The following EML6 variants were observed in gnomAD, a reference collection of about 807,000 sequenced individuals.
EML6 encodes the protein EMAP like 6, also known as echinoderm microtubule-associated protein-like 6.
Under a neutral mutation model 240.1 loss-of-function variants are expected in EML6, and 154 were observed. The observed-to-expected ratio is 0.64, with a 90% CI of 0.56 to 0.73. The LOEUF (loss-of-function observed/expected upper bound fraction) is 0.73. EML6 is among the 30% of genes least tolerant of loss of function. The pLI, the probability that EML6 is intolerant of heterozygous loss-of-function variation, is 0.00. For missense variants in EML6, 2,964 were observed against 2,474.6 expected (o/e 1.20, Z -4.20); for synonymous variants, 1,148 against 899.0 (o/e 1.28, Z -4.95).
intron 12 of EML6, among the ~76,000 whole-genome samples, chr2:54,860,716 A>G (rs1398007675): frequency 6.6e-6 from 1 of 152,246 alleles, no homozygotes; most frequent in Non-Finnish European, 1.5e-5. Context: ...TCTAGACCAT[A>G]GAGAAAGGTG....
intron 2 of EML6, among the ~76,000 whole-genome samples, chr2:54,755,638 A>T (rs1054498640): frequency 1.3e-5 from 2 of 151,898 alleles, no homozygotes; most frequent in South Asian, 2.1e-4. Context: ...TTTTCTAATT[A>T]TTTTTGCTAG....
At chr2:54,961,288 G>A (rs895893192) in intron 35 of EML6, among the ~76,000 whole-genome samples, 3 of 148,740 alleles carry the variant, frequency 2.0e-5, no homozygotes, top group East Asian at 2.0e-4. Context: ...GGGTTCGAGC[G>A]ATTCTCCTGC....
intron 10 of EML6, among the ~76,000 whole-genome samples, chr2:54,851,237 C>T (rs1159908022): frequency 6.6e-6 from 1 of 151,880 alleles, no homozygotes; most frequent in Non-Finnish European, 1.5e-5. Flanking sequence ...GGTGAAGTCC[C>T]ATCTCTGCTA....
rs1675933112 is a variant in EML6, at chr2:54,950,750, C to T, written c.4184C>T (p.Ala1395Val). Residue 1395 changes from alanine to valine, a missense_variant, in exon 30 of 42, where the codon GCG becomes GTG. Ala to Val is a moderately conservative substitution (Grantham distance 64, BLOSUM62 0). Transcript: ENST00000356458. Reference sequence around the variant, plus strand: ...GCTGACATCATCTTCCACACAGCAGCGGCTGGCATCGTTCAGAACCTCTCC... The same window carrying T: ...GCTGACATCATCTTCCACACAGCAGTGGCTGGCATCGTTCAGAACCTCTCC... ...DGADIIFHTAAAGIVQNLSTG... is the reference protein window; with the variant it reads ...DGADIIFHTAVAGIVQNLSTG... 4.5e-6 allele frequency: 7 copies of T among 1,551,560 alleles called. No individual in the cohort carries two copies. The highest frequency in any genetic ancestry group is 6.1e-6 in the Non-Finnish European group (7 of 1,146,972).
At chr2:54,885,202 T>G (rs768467483) in intron 17 of EML6, among the ~76,000 whole-genome samples, 1 of 152,008 alleles carries the variant, frequency 6.6e-6, no homozygotes, top group East Asian at 1.9e-4. Flanking sequence ...CCCAGCACTT[T>G]GGGAGGTTGA....
At chr2:54,779,200 G>A (rs1668735473) in intron 2 of EML6, among the ~76,000 whole-genome samples, 1 of 152,142 alleles carries the variant, frequency 6.6e-6, no homozygotes. Context: ...CATCTCAGTT[G>A]CTTGCCACCC....
chr2:54,891,125 TA>T lies in EML6; in HGVS notation c.2514del (p.Lys838AsnfsTer29). 1 of 1,490,070 alleles carries T rather than the reference TA, an allele frequency of 6.7e-7. No homozygotes were observed. The highest frequency in any genetic ancestry group is 9.1e-7 in the Non-Finnish European group (1 of 1,101,816). 92.3% of individuals were successfully genotyped at this position (1,490,070 alleles called of 1,614,324 possible). A position where few individuals can be genotyped will look rare whatever the true frequency, so the allele number is the denominator to read the frequency against. ...GTTGACAAACTGGTTACAGTTGGGA[TA>T]AAACACATCAAATTCTGGCAACAAG... Reference protein sequence around the residue: ...HHVDKLVTVGIKHIKFWQQAG... With the variant: ...HHVDKLVTVGXKHIKFWQQAG... On this transcript the variant is annotated frameshift_variant, in exon 18 of 42. Coordinates refer to ENST00000356458, the MANE Select transcript of EML6 (RefSeq NM_001039753.4). LOFTEE classifies it high-confidence loss of function.
At chr2:54,836,603 A>G (rs1333521547) in intron 7 of EML6, among the ~76,000 whole-genome samples, 1 of 151,956 alleles carries the variant, frequency 6.6e-6, no homozygotes, top group Non-Finnish European at 1.5e-5. Context: ...CCTTTGTGGT[A>G]CACACTCTAC....
At chr2:54,875,522 A>G (rs1027488577) in intron 16 of EML6, among the ~76,000 whole-genome samples, 1 of 152,234 alleles carries the variant, frequency 6.6e-6, no homozygotes, top group Admixed American at 6.5e-5. Flanking sequence ...TAGAGAATAA[A>G]TTGTCCTGGA....
chr2:54,923,182 C>A lies in EML6; in HGVS notation c.3676-5131C>A, dbSNP rs192774295. Among the ~76,000 whole-genome samples the A allele has an allele frequency of 2.2e-4, 34 of 152,058 alleles. No homozygotes were observed. The Middle Eastern group carries it at 0.01, about 46-fold the overall frequency. ...TCTCGAACTCCCAACCTCAGCTGAT[C>A]CATCCACCTCAGCCTCCCAAAGTGC... On this transcript the variant is annotated intron_variant, in intron 26 of 41. Coordinates refer to ENST00000356458, the MANE Select transcript of EML6 (RefSeq NM_001039753.4).
Position 54,844,060 on chromosome 2 carries a change from G to A in EML6, c.861G>A (p.Arg287=). Residue 287 remains arginine (R), a synonymous_variant, in exon 8 of 42, where the codon CGG becomes CGA. Transcript: ENST00000356458. The part of the protein sequence containing the change: ...TEQGYKGLSI[R]SVCWKADRLL... Reference sequence around the variant, plus strand: ...TATTTTTGTCAGGCCTCTCTATCCGGAGCGTGTGCTGGAAAGCAGACCGCC... The same window carrying A: ...TATTTTTGTCAGGCCTCTCTATCCGAAGCGTGTGCTGGAAAGCAGACCGCC... 1 of 1,548,572 alleles carries A rather than the reference G, an allele frequency of 6.5e-7. No individual in the cohort carries two copies. The highest frequency in any genetic ancestry group is 1.2e-5 in the South Asian group (1 of 83,964).
intron 28 of EML6, among the ~76,000 whole-genome samples, chr2:54,935,209 A>T (rs774289193): frequency 1.3e-5 from 2 of 152,034 alleles, no homozygotes; most frequent in African/African-American, 4.8e-5. Context: ...GTACCTTTGA[A>T]AGTGTCTGTT....
At chr2:54,797,372 C>G (rs997488318) in intron 2 of EML6, among the ~76,000 whole-genome samples, 4 of 151,988 alleles carry the variant, frequency 2.6e-5, no homozygotes, top group Admixed American at 2.0e-4. Flanking sequence ...CTTGAGACCT[C>G]TCTCAAACCT....
intron 26 of EML6, among the ~76,000 whole-genome samples, chr2:54,917,373 T>TG (rs1251921304): frequency 2.8e-4 from 41 of 145,172 alleles, no homozygotes; most frequent in Middle Eastern, 7.4e-3. Flanking sequence ...TTTTTTTTTT[T>TG]TTGTTTTTTG....
chr2:54,789,470 C>T (rs1451484701), intron 2 of EML6, among the ~76,000 whole-genome samples: 2 of 129,576 alleles, frequency 1.5e-5, no homozygotes, highest in African/African-American at 2.9e-5. Flanking sequence ...GCCGAGATTA[C>T]GCCACTGCAC....
At position 54,961,184 on chromosome 2, in the gene EML6, G is replaced by GTTGTTTTTTTTTTT; in HGVS notation, c.4968+852_4968+853insGTTTTTTTTTTTTT. Among the ~76,000 whole-genome samples the GTTGTTTTTTTTTTT allele has an allele frequency of 7.4e-3, 411 of 55,396 alleles. 153 individuals carry two copies. Among genetic ancestry groups the GTTGTTTTTTTTTTT allele is most frequent in the African/African-American group, 0.014 (176 of 12,362 alleles). 36.3% of individuals were successfully genotyped at this position (55,396 alleles called of 152,430 possible). A position where few individuals can be genotyped will look rare whatever the true frequency, so the allele number is the denominator to read the frequency against. ...GGAGCCTGGAAGTTATCAGGAAGTA[G>GTTGTTTTTTTTTTT]TTTTTTTTTTTTTTTTTTTGAGACG... On this transcript the variant is annotated intron_variant, in intron 35 of 41. Transcript: ENST00000356458.
chr2:54,919,187 A>G (rs1674087793), intron 26 of EML6, among the ~76,000 whole-genome samples: 1 of 151,588 alleles, frequency 6.6e-6, no homozygotes, highest in South Asian at 2.1e-4. Flanking sequence ...ATTGACTTTC[A>G]GTTCATGTGA....
At chr2:54,778,008 A>G (rs560533343) in intron 2 of EML6, among the ~76,000 whole-genome samples, 231 of 152,356 alleles carry the variant, frequency 1.5e-3, no homozygotes, top group Middle Eastern at 0.014. Context: ...GTTCAGCTCT[A>G]TAAAAGATAA....
intron 2 of EML6, among the ~76,000 whole-genome samples, chr2:54,777,900 T>C (rs1365241504): frequency 6.6e-6 from 1 of 152,238 alleles, no homozygotes; most frequent in Non-Finnish European, 1.5e-5. Flanking sequence ...TCTGAATGAA[T>C]TTAATAAAAT....
Sources: gnomAD v4.1 joint callset for allele counts (sites outside exome capture counted in the v4.1 genomes callset) on GRCh38, gnomAD v4.1.1 for gene constraint, MANE v1.5 for transcripts, NCBI Gene and HGNC (gene_info 2026-07-23, HGNC 2026-07-21) for gene names.